The following ZNF740 variants were observed in gnomAD, a reference collection of about 807,000 sequenced individuals.
ZNF740 encodes oriLyt TD-element-binding protein 7.
ZNF740 carries 14 observed loss-of-function variants against 24.8 expected under a neutral mutation model. The observed-to-expected ratio is 0.56, with a 90% CI of 0.37 to 0.88. The LOEUF (loss-of-function observed/expected upper bound fraction) is 0.88. ZNF740 is among the 40% of genes least tolerant of loss of function. The pLI is 0.00. For synonymous variants in ZNF740, 69 were observed against 84.0 expected, an observed-to-expected ratio of 0.82 and a Z score of 0.98; for missense variants, 201 against 247.9, an observed-to-expected ratio of 0.81 and a Z score of 1.27.
rs1256405972 is a variant in ZNF740, at chr12:53,191,037, C to T, written c.*3447C>T. On this transcript the variant is annotated 3_prime_UTR_variant, in exon 7 of 7. Transcript: ENST00000416904. ...AACAGGGCATCAGTTCTGAGCAAGA[C>T]GAAAAAGCACACGCAGCAGGACGGA... 2.3e-5 allele frequency: 4 copies of T among 176,572 alleles called. No homozygotes were observed. The highest frequency in any genetic ancestry group is 1.3e-4 in the South Asian group (1 of 7,598). 10.9% of individuals were successfully genotyped at this position (176,572 alleles called of 1,614,324 possible). A position where few individuals can be genotyped will look rare whatever the true frequency, so the allele number is the denominator to read the frequency against.
intron 6 of ZNF740, 118 bp downstream of exon 6, chr12:53,186,627 CA>C: frequency 1.4e-6 from 1 of 739,618 alleles, no homozygotes; most frequent in Non-Finnish European, 2.2e-6. Flanking sequence ...TAATAGTTAA[CA>C]CATCGGGGTG....
chr12:53,191,827 T>A lies in ZNF740; in HGVS notation c.*4237T>A. The A allele has an allele frequency of 6.2e-7, 1 of 1,612,782 alleles. No individual in the cohort carries two copies. Among genetic ancestry groups the A allele is most frequent in the Non-Finnish European group, 8.5e-7 (1 of 1,179,612 alleles). On this transcript the variant is annotated 3_prime_UTR_variant, in exon 7 of 7. Coordinates refer to ENST00000416904, the MANE Select transcript of ZNF740 (RefSeq NM_001004304.4). ...GCTGGTCTTGTGGTGGGGGAACAGC[T>A]AAAAAGGGGCCTAACCAGGAAGTCT...
rs542514756 is a variant in ZNF740, at chr12:53,187,391, C to T, written c.493-110C>T. ...ACCGTGTGCTCCTGCTGTCTGTGCA[C>T]GTGCTGAGGGGATGGAGAATGTGGT... On this transcript the variant is annotated intron_variant, in intron 6 of 6. Transcript: ENST00000416904. 4.4e-5 allele frequency: 38 copies of T among 857,114 alleles called. 2 individuals are homozygous for T. The South Asian group carries it at 4.8e-4, about 11-fold the overall frequency. 53.1% of individuals were successfully genotyped at this position (857,114 alleles called of 1,614,324 possible).
In ZNF740 at chr12:53,188,301, A is replaced by G. The variant is rs76586069; in HGVS notation, c.*711A>G. On this transcript the variant is annotated 3_prime_UTR_variant, in exon 7 of 7. Transcript: ENST00000416904. Reference sequence around the variant, plus strand: ...TCAAGGGAAAAGGAAGAGTTGTGCCAGTGGGTGTTGTCATGGCCCATGTCA... The same window carrying G: ...TCAAGGGAAAAGGAAGAGTTGTGCCGGTGGGTGTTGTCATGGCCCATGTCA... The G allele has an allele frequency of 2.0e-5, 3 of 152,750 alleles. No homozygotes were observed. The highest frequency in any genetic ancestry group is 1.3e-4 in the Admixed American group (2 of 15,298). 9.5% of individuals were successfully genotyped at this position (152,750 alleles called of 1,614,324 possible).
rs887412087 is a variant in ZNF740 at position 53,192,378 on chromosome 12, C to T, written c.*4788C>T. On this transcript the variant is annotated 3_prime_UTR_variant, in exon 7 of 7. Coordinates refer to ENST00000416904, the MANE Select transcript of ZNF740 (RefSeq NM_001004304.4). ...ACGACCGTGCCTCTGGCGTCATCCT[C>T]CACCAAGAAGAAGAACAGCTGGTTG... 3 of 1,614,038 alleles carry T rather than the reference C, an allele frequency of 1.9e-6. No homozygotes were observed. The highest frequency in any genetic ancestry group is 1.7e-6 in the Non-Finnish European group (2 of 1,180,040).
intron 2 of ZNF740, among the ~76,000 whole-genome samples, chr12:53,184,173 A>AGG (rs1243848945): frequency 1.3e-4 from 12 of 93,298 alleles, no homozygotes; most frequent in South Asian, 8.1e-4. Context: ...TCTGAAGCTA[A>AGG]GGGGTGTGTG....
At chr12:53,182,539 G>A (rs1941691349) in intron 2 of ZNF740, among the ~76,000 whole-genome samples, 1 of 151,986 alleles carries the variant, frequency 6.6e-6, no homozygotes, top group Non-Finnish European at 1.5e-5. Context: ...CAATAATAGG[G>A]GTATGTACAT....
Position 53,191,747 on chromosome 12 carries a change from A to G in ZNF740, c.*4157A>G, listed in dbSNP as rs760034104. On this transcript the variant is annotated 3_prime_UTR_variant, in exon 7 of 7. Coordinates refer to ENST00000416904, the MANE Select transcript of ZNF740 (RefSeq NM_001004304.4). The stretch of plus-strand genomic sequence containing the variant: ...ATCCTAGGAGCTGATGGAAGTTAGC[A>G]GAGGGGTTGGTTACATGTGCCAGGG... The G allele has an allele frequency of 5.9e-6, 9 of 1,526,114 alleles. No homozygotes were observed. Among genetic ancestry groups the G allele is most frequent in the Admixed American group, 1.7e-5 (1 of 59,282 alleles). The allele number at this position is 1,526,114 out of a possible 1,614,324, so 94.5% of individuals were successfully genotyped here.
chr12:53,190,672 G>GT lies in ZNF740; in HGVS notation c.*3088dup, dbSNP rs1941916030. 1.3e-5 allele frequency: 2 copies of GT among 149,090 alleles called. No homozygotes were observed. The highest frequency in any genetic ancestry group is 3.0e-5 in the Non-Finnish European group (2 of 67,264). The allele number at this position is 149,090 out of a possible 1,614,324, so 9.2% of individuals were successfully genotyped here. On this transcript the variant is annotated 3_prime_UTR_variant, in exon 7 of 7. Transcript: ENST00000416904. ...CCCTTCCTATCCTCCTCTCCACCCT[G>GT]TTTTTTGTTTTTTTTTTTTTTAAAT...
chr12:53,186,590 C>T (rs1402723222), intron 6 of ZNF740, 81 bp downstream of exon 6: 2 of 1,123,188 alleles, frequency 1.8e-6, no homozygotes, highest in Non-Finnish European at 2.6e-6. Context: ...TCCTGCCTGA[C>T]AAAAGAGCCA....
chr12:53,193,396 C>T lies in ZNF740; in HGVS notation c.*5806C>T, dbSNP rs1942038611. ...GGGAAGGCAAAGGAGAGAAGTAGGTCAGAGGGTTTGATCACCCCTGACTTG... is the reference window on the plus strand; with the variant it reads ...GGGAAGGCAAAGGAGAGAAGTAGGTTAGAGGGTTTGATCACCCCTGACTTG... On this transcript the variant is annotated 3_prime_UTR_variant, in exon 7 of 7. Coordinates refer to ENST00000416904, the MANE Select transcript of ZNF740 (RefSeq NM_001004304.4). 1 of 1,477,054 alleles carries T rather than the reference C, an allele frequency of 6.8e-7. No individual in the cohort carries two copies. The highest frequency in any genetic ancestry group is 2.4e-5 in the East Asian group (1 of 42,106). The allele number at this position is 1,477,054 out of a possible 1,614,324, so 91.5% of individuals were successfully genotyped here. A position where few individuals can be genotyped will look rare whatever the true frequency, so the allele number is the denominator to read the frequency against.
chr12:53,185,861 T>G, intron 4 of ZNF740, 93 bp from the exon 5 acceptor site: 3 of 1,513,238 alleles, frequency 2.0e-6, no homozygotes, highest in Non-Finnish European at 2.7e-6. Flanking sequence ...AGAGGTTCCT[T>G]TCTCCAACAG....
In ZNF740 at chr12:53,184,876, C is replaced by T. The variant is rs2121528763; in HGVS notation, c.10-15C>T. 3 of 1,608,526 alleles carry T rather than the reference C, an allele frequency of 1.9e-6. No homozygotes were observed. The East Asian group carries it at 6.7e-5, about 36-fold the overall frequency. On this transcript the variant is annotated splice_polypyrimidine_tract_variant and intron_variant, in intron 2 of 6. Transcript: ENST00000416904. Reference sequence around the variant, plus strand: ...CCTGCCAGGTGACCTGACACCTCATCTCCTTTCAACTTAGGCAAGTCTCCT... The same window carrying T: ...CCTGCCAGGTGACCTGACACCTCATTTCCTTTCAACTTAGGCAAGTCTCCT...
Position 53,184,958 on chromosome 12 carries a change from T to A in ZNF740, c.77T>A (p.Met26Lys). 1 of 1,613,984 alleles carries A rather than the reference T, an allele frequency of 6.2e-7. No individual in the cohort carries two copies. Among genetic ancestry groups the A allele is most frequent in the South Asian group, 1.1e-5 (1 of 91,084 alleles). Reference sequence around the variant, plus strand: ...GTTCCCACTGCAGCCAGCAAGAAGATGATGCTGAGCCAGATTGCCAGCAAG... The same window carrying A: ...GTTCCCACTGCAGCCAGCAAGAAGAAGATGCTGAGCCAGATTGCCAGCAAG... ...SLVPTAASKK[M>K]MLSQIASKQA... Residue 26 changes from methionine (M) to lysine (K), a missense_variant, in exon 3 of 7, where the codon ATG becomes AAG. Physicochemically the swap from Met to Lys is moderately conservative, Grantham distance 95 (BLOSUM62 -1). Coordinates refer to ENST00000416904, the MANE Select transcript of ZNF740 (RefSeq NM_001004304.4).
chr12:53,184,144 T>TGCGC (rs1050110810), intron 2 of ZNF740, among the ~76,000 whole-genome samples: 35 of 105,230 alleles, frequency 3.3e-4, no homozygotes, highest in African/African-American at 1.3e-3. Context: ...TGTGTGTGTG[T>TGCGC]GTGTGTGCGC....
Position 53,180,803 on chromosome 12 carries a change from C to A in ZNF740, c.-342C>A. 1.6e-6 allele frequency: 2 copies of A among 1,271,488 alleles called. No homozygotes were observed. The highest frequency in any genetic ancestry group is 2.5e-4 in the Middle Eastern group (1 of 4,072). The allele number at this position is 1,271,488 out of a possible 1,614,324, so 78.8% of individuals were successfully genotyped here. On this transcript the variant is annotated 5_prime_UTR_variant, in exon 1 of 7. Coordinates refer to ENST00000416904, the MANE Select transcript of ZNF740 (RefSeq NM_001004304.4). ...GCTGGGGCCTGGAGGAGGCGCCGCGCGGCCAGGGAGCCAGCGGGAGGCCGC... is the reference window on the plus strand; with the variant it reads ...GCTGGGGCCTGGAGGAGGCGCCGCGAGGCCAGGGAGCCAGCGGGAGGCCGC...
At chr12:53,185,802 C>T (rs1941811207) in intron 4 of ZNF740, among the ~76,000 whole-genome samples, 152 bp from the exon 5 acceptor site, 1 of 152,216 alleles carries the variant, frequency 6.6e-6, no homozygotes, top group African/African-American at 2.4e-5. Context: ...CAAAGGGTCT[C>T]TTACCTCCAT....
At chr12:53,184,678 A>G (rs1469975384) in intron 2 of ZNF740, among the ~76,000 whole-genome samples, 6 of 152,220 alleles carry the variant, frequency 3.9e-5, no homozygotes, top group Non-Finnish European at 8.8e-5. Context: ...CTTGATCTAT[A>G]TTTAAATGCT....
Position 53,184,114 on chromosome 12 carries a change from G to GGTGTGTGTGTGT in ZNF740, c.10-751_10-740dup, listed in dbSNP as rs754768891. 9.5e-3 allele frequency among the ~76,000 whole-genome samples: 1,175 copies of GGTGTGTGTGTGT among 123,488 alleles called. 9 individuals are homozygous for GGTGTGTGTGTGT. The highest frequency in any genetic ancestry group is 0.025 in the East Asian group (98 of 3,882). The allele number at this position is 123,488 out of a possible 152,430, so 81.0% of individuals were successfully genotyped here. On this transcript the variant is annotated intron_variant, in intron 2 of 6. Coordinates refer to ENST00000416904, the MANE Select transcript of ZNF740 (RefSeq NM_001004304.4). ...TCAAAAGTGGGCTCTGAAGCTAAGG[G>GGTGTGTGTGTGT]GTGTGTGTGTGTGTGTGTGTGTGTG...
Sources: allele counts gnomAD v4.1 joint callset (sites outside exome capture counted in the v4.1 genomes callset), GRCh38; gene constraint gnomAD v4.1.1; transcripts MANE v1.5; gene names NCBI Gene and HGNC (gene_info 2026-07-23, HGNC 2026-07-21).